CREG2: variants seen among roughly 807,000 people sequenced by gnomAD.
CREG2 encodes cellular repressor of E1A stimulated genes 2.
CREG2 carries 24 observed loss-of-function variants against 26.2 expected under a neutral mutation model. That is an observed-to-expected ratio of 0.92 (90% CI 0.66 to 1.29). The LOEUF (loss-of-function observed/expected upper bound fraction) is 1.29. CREG2 is among the 50% of genes most tolerant of loss of function. The probability of loss-of-function intolerance (pLI) is 0.00; values close to 1 mark genes in which losing one functional copy is unlikely to be tolerated. For missense variants in CREG2, 366 were observed against 398.6 expected, an observed-to-expected ratio of 0.92 and a Z score of 0.70; for synonymous variants, 174 against 169.2, an observed-to-expected ratio of 1.03 and a Z score of -0.22.
intron 2 of CREG2, among the ~76,000 whole-genome samples, chr2:101,379,098 C>T (rs1423605898): frequency 6.6e-6 from 1 of 152,152 alleles, no homozygotes; most frequent in African/African-American, 2.4e-5. Context: ...GTCAGATTCA[C>T]TTTCCAAATT....
At chr2:101,369,157 C>A (rs1684664476) in intron 2 of CREG2, among the ~76,000 whole-genome samples, 1 of 152,138 alleles carries the variant, frequency 6.6e-6, no homozygotes, top group African/African-American at 2.4e-5. Context: ...TTGAAAATAT[C>A]CCTCTGGCTT....
intron 2 of CREG2, among the ~76,000 whole-genome samples, chr2:101,357,859 C>T (rs979391826): frequency 3.3e-5 from 5 of 151,528 alleles, no homozygotes; most frequent in African/African-American, 1.2e-4. Flanking sequence ...TAGGCTACCT[C>T]CCAGCTACTT....
intron 2 of CREG2, among the ~76,000 whole-genome samples, chr2:101,379,955 G>T (rs1173213647): frequency 6.6e-6 from 1 of 151,524 alleles, no homozygotes; most frequent in African/African-American, 2.4e-5. Flanking sequence ...GAGAAGAGTT[G>T]AATGTGTGAA....
At chr2:101,382,346 G>C (rs988946628) in intron 2 of CREG2, 8 of 286,526 alleles carry the variant, frequency 2.8e-5, no homozygotes, top group Non-Finnish European at 3.7e-5. Context: ...TTGAACCTGG[G>C]AGGCAGAGGT....
chr2:101,387,404 C>G lies in CREG2; in HGVS notation c.54G>C (p.Trp18Cys), dbSNP rs1274076254. ...ACAGCAGGGCGCTGCAGCACAGCAG[C>G]CAGGAGAGGCGGGTCCCCGGCCGCG... Reference protein sequence around the residue: ...RPARPGTRLSWLLCCSALLSP... With the variant: ...RPARPGTRLSCLLCCSALLSP... Residue 18 changes from tryptophan to cysteine, a missense_variant, in exon 1 of 4, where the codon TGG becomes TGC. Trp to Cys is a radical substitution (Grantham distance 215). Coordinates refer to ENST00000324768, the MANE Select transcript of CREG2 (RefSeq NM_153836.4). This position sits in a 1 kb window ranked among gnomAD's most constrained non-coding sequence, Gnocchi z 4.7. 1 of 1,363,912 alleles carries G rather than the reference C, an allele frequency of 7.3e-7. No homozygotes were observed. Among genetic ancestry groups the G allele is most frequent in the Non-Finnish European group, 9.6e-7 (1 of 1,046,344 alleles). 84.5% of individuals were successfully genotyped at this position (1,363,912 alleles called of 1,614,324 possible). A position where few individuals can be genotyped will look rare whatever the true frequency, so the allele number is the denominator to read the frequency against.
At chr2:101,351,178 G>T in intron 3 of CREG2, 108 bp from the exon 4 acceptor site, 1 of 1,069,308 alleles carries the variant, frequency 9.4e-7, no homozygotes, top group Non-Finnish European at 1.3e-6. Flanking sequence ...GCTGACAGCT[G>T]CTCACATCAG....
intron 2 of CREG2, among the ~76,000 whole-genome samples, chr2:101,363,255 T>C (rs1684569271): frequency 6.6e-6 from 1 of 152,112 alleles, no homozygotes; most frequent in South Asian, 2.1e-4. Context: ...TCACAGCACT[T>C]TGTATGCAGC....
rs1346977301 is a variant in CREG2, at chr2:101,355,384, T to C, written c.612-18A>G. 3 of 1,513,408 alleles carry C rather than the reference T, an allele frequency of 2.0e-6. No homozygotes were observed. Among genetic ancestry groups the C allele is most frequent in the African/African-American group, 2.7e-5 (2 of 73,024 alleles). The allele number at this position is 1,513,408 out of a possible 1,614,324, so 93.7% of individuals were successfully genotyped here. ...TGTTTTTTCTGCATGTGAAAAACAT[T>C]TTTTGTATATCAGAACAAGGACAGA... On this transcript the variant is annotated intron_variant, in intron 2 of 3. Transcript: ENST00000324768.
In CREG2 at chr2:101,363,470, C is replaced by T. The variant is rs115120496; in HGVS notation, c.612-8104G>A. On this transcript the variant is annotated intron_variant, in intron 2 of 3. Coordinates refer to ENST00000324768, the MANE Select transcript of CREG2 (RefSeq NM_153836.4). Reference sequence around the variant, plus strand: ...TTTTGTAAGAGCTTCACAAGGGATGCGTTTTTCTAAAAATACATGTAACCT... The same window carrying T: ...TTTTGTAAGAGCTTCACAAGGGATGTGTTTTTCTAAAAATACATGTAACCT... Among the ~76,000 whole-genome samples the T allele has an allele frequency of 8.0e-3, 1,214 of 152,142 alleles. 10 individuals are homozygous for T. Among genetic ancestry groups the T allele is most frequent in the African/African-American group, 0.027 (1,140 of 41,488 alleles).
intron 3 of CREG2, among the ~76,000 whole-genome samples, chr2:101,351,385 A>T (rs192738990): frequency 2.6e-5 from 4 of 152,290 alleles, no homozygotes; most frequent in African/African-American, 7.2e-5. Context: ...ATTACCTGTC[A>T]CGTGGAGTGA....
chr2:101,354,099 C>T (rs1684419368), intron 3 of CREG2, among the ~76,000 whole-genome samples: 1 of 151,982 alleles, frequency 6.6e-6, no homozygotes, highest in African/African-American at 2.4e-5. Context: ...ATGTTCTGCA[C>T]ACGTATCCCA....
rs1684294837 is a variant in CREG2 at position 101,345,739 on chromosome 2, A to G, written c.*5184T>C. ...TGTTATAGCAATCAAATAAGCATCA[A>G]TAAATTATCCTAGAGAGGTTTTATT... On this transcript the variant is annotated 3_prime_UTR_variant, in exon 4 of 4. Transcript: ENST00000324768. 1 of 152,360 alleles carries G rather than the reference A, an allele frequency of 6.6e-6. No individual in the cohort carries two copies. The highest frequency in any genetic ancestry group is 2.1e-4 in the South Asian group (1 of 4,834). 9.4% of individuals were successfully genotyped at this position (152,360 alleles called of 1,614,324 possible).
chr2:101,386,416 G>A lies in CREG2; in HGVS notation c.441+601C>T, dbSNP rs140825870. 5.4e-3 allele frequency among the ~76,000 whole-genome samples: 818 copies of A among 152,304 alleles called. 7 individuals are homozygous for A. The highest frequency in any genetic ancestry group is 0.019 in the African/African-American group (771 of 41,552). On this transcript the variant is annotated intron_variant, in intron 1 of 3. Coordinates refer to ENST00000324768, the MANE Select transcript of CREG2 (RefSeq NM_153836.4). Reference sequence around the variant, plus strand: ...ATTCTAGGTGGAATCATGTCTAACAGGTGAGTAAAGCATTTGCGAACTGAA... The same window carrying A: ...ATTCTAGGTGGAATCATGTCTAACAAGTGAGTAAAGCATTTGCGAACTGAA...
intron 2 of CREG2, among the ~76,000 whole-genome samples, chr2:101,363,776 G>C (rs1296692546): frequency 6.6e-6 from 1 of 151,900 alleles, no homozygotes; most frequent in Non-Finnish European, 1.5e-5. Flanking sequence ...CTTGAGCCCA[G>C]GAGACTGAGG....
chr2:101,377,526 A>T (rs1684811860), intron 2 of CREG2, among the ~76,000 whole-genome samples: 1 of 152,188 alleles, frequency 6.6e-6, no homozygotes, highest in Admixed American at 6.5e-5. Context: ...TTGTCAATCA[A>T]TATTGATTGA....
intron 1 of CREG2, among the ~76,000 whole-genome samples, chr2:101,385,536 T>G (rs1684956888): frequency 6.6e-6 from 1 of 152,194 alleles, no homozygotes; most frequent in Non-Finnish European, 1.5e-5. Context: ...AGCATCCCAA[T>G]TTTCCATGAT....
chr2:101,351,579 T>C (rs760263277), intron 3 of CREG2, among the ~76,000 whole-genome samples: 1 of 152,180 alleles, frequency 6.6e-6, no homozygotes, highest in Non-Finnish European at 1.5e-5. Flanking sequence ...AGTTCGTTCA[T>C]GGGAAGATTT....
intron 2 of CREG2, among the ~76,000 whole-genome samples, chr2:101,371,906 G>A (rs1684712931): frequency 6.6e-6 from 1 of 152,180 alleles, no homozygotes; most frequent in South Asian, 2.1e-4. Context: ...AATCGGTGAG[G>A]GAACTCTAGT....
At chr2:101,367,807 A>G (rs1344383081) in intron 2 of CREG2, among the ~76,000 whole-genome samples, 3 of 152,238 alleles carry the variant, frequency 2.0e-5, no homozygotes, top group South Asian at 2.1e-4. Flanking sequence ...AGGTGGGATG[A>G]CAGAAGCAAG....
Sources: allele counts gnomAD v4.1 joint callset (sites outside exome capture counted in the v4.1 genomes callset), GRCh38; gene constraint gnomAD v4.1.1; non-coding constraint Gnocchi (gnomAD v3.1); transcripts MANE v1.5; gene names NCBI Gene and HGNC (gene_info 2026-07-23, HGNC 2026-07-21).